Variants in HPX observed in about 807,000 individuals in gnomAD.
HPX encodes the protein hemopexin.
HPX carries 42 observed loss-of-function variants against 53.8 expected under a neutral mutation model. The observed-to-expected ratio is 0.78, with a 90% confidence interval of 0.61 to 1.01. The LOEUF is 1.01. Among genes scored for constraint, HPX ranks in the 50% least tolerant of loss-of-function variants. HPX has a pLI of 0.00. For synonymous variants in HPX, 229 were observed against 221.1 expected (o/e 1.04, Z -0.32); for missense variants, 547 against 594.3 (o/e 0.92, Z 0.83).
At chr11:6,439,820 G>GA in intron 4 of HPX, 1 of 355,642 alleles carries the variant, frequency 2.8e-6, no homozygotes, top group Non-Finnish European at 5.5e-6. Flanking sequence ...AGGTGCCATT[G>GA]TGTTGGGAAC....
rs1324614538 is a variant in HPX, at chr11:6,440,597, A to C, written c.143-59T>G. The C allele has an allele frequency of 1.1e-4, 137 of 1,275,538 alleles. 3 individuals carry two copies. The highest frequency in any genetic ancestry group is 2.3e-4 in the African/African-American group (14 of 61,888). 79.0% of individuals were successfully genotyped at this position (1,275,538 alleles called of 1,614,324 possible). On this transcript the variant is annotated intron_variant, in intron 2 of 9. Coordinates refer to ENST00000265983, the MANE Select transcript of HPX (RefSeq NM_000613.3). ...AAAAAAAAAAAAAAAAAAAAAAAAA[A>C]AAAAAACCAGAAGGTGATAAAATGC...
intron 7 of HPX, among the ~76,000 whole-genome samples, chr11:6,434,837 G>A (rs1849394753): frequency 1.3e-5 from 2 of 152,190 alleles, no homozygotes; most frequent in Admixed American, 1.3e-4. Context: ...GTATCAGTTG[G>A]AACTGAGACT....
intron 5 of HPX, 111 bp from the exon 6 acceptor site, chr11:6,437,763 C>A (rs564030157): frequency 3.9e-6 from 3 of 774,892 alleles, no homozygotes; most frequent in South Asian, 3.1e-5. Flanking sequence ...ATGGAGCTCA[C>A]AGCCATCAGA....
chr11:6,431,108 G>A lies in HPX; in HGVS notation c.*103C>T. ...AAACTGGGGAGGTGGGGCCAGGCCA[G>A]ACTCATGTCAGAAGGCCCCTCAGTG... On this transcript the variant is annotated 3_prime_UTR_variant, in exon 10 of 10. Coordinates refer to ENST00000265983, the MANE Select transcript of HPX (RefSeq NM_000613.3). 6.7e-7 allele frequency: 1 copy of A among 1,497,072 alleles called. No individual in the cohort carries two copies. Among genetic ancestry groups the A allele is most frequent in the South Asian group, 1.3e-5 (1 of 79,222 alleles). The allele number at this position is 1,497,072 out of a possible 1,614,324, so 92.7% of individuals were successfully genotyped here.
intron 2 of HPX, 45 bp from the exon 3 acceptor site, chr11:6,440,583 A>T (rs753680725): frequency 7.5e-7 from 1 of 1,330,566 alleles, no homozygotes; most frequent in Admixed American, 2.5e-5. Flanking sequence ...AAAAAAAAAA[A>T]AAAAAAAAAA....
rs772952792 is a variant in HPX at position 6,431,720 on chromosome 11, C to A, written c.1050G>T (p.Gly350=). The A allele has an allele frequency of 6.2e-7, 1 of 1,614,200 alleles. No individual in the cohort carries two copies. The highest frequency in any genetic ancestry group is 8.5e-7 in the Non-Finnish European group (1 of 1,180,040). ...AGTCCAGGATAATCCCATGAGGGGT[C>A]CCGACTTCCTTCTCCAGCCGCTTCG... ...GYPKRLEKEV[G]TPHGIILDSV... The change falls in exon 9 of 10, where the codon GGG becomes GGT. Residue 350 remains glycine, a synonymous_variant. Coordinates refer to ENST00000265983, the MANE Select transcript of HPX (RefSeq NM_000613.3).
At position 6,436,978 on chromosome 11, in the gene HPX, G is replaced by A. The variant is rs892520180; in HGVS notation, c.835+68C>T. 7 of 1,546,514 alleles carry A rather than the reference G, an allele frequency of 4.5e-6. No individual in the cohort carries two copies. In the South Asian group the frequency reaches 7.0e-5, roughly 15 times the overall value. On this transcript the variant is annotated intron_variant, in intron 7 of 9. Transcript: ENST00000265983. ...CACAGTGATGACAATGGAGAAATGT[G>A]TCAAGGATGGGAGATACAAGTAAAA...
intron 7 of HPX, among the ~76,000 whole-genome samples, chr11:6,436,656 A>G (rs1311392935): frequency 6.6e-6 from 1 of 152,226 alleles, no homozygotes; most frequent in Non-Finnish European, 1.5e-5. Context: ...AGGGGGAGCC[A>G]GAGGACTCAG....
intron 4 of HPX, 111 bp downstream of exon 4, chr11:6,440,052 AAG>A: frequency 7.1e-7 from 1 of 1,398,670 alleles, no homozygotes; most frequent in East Asian, 2.3e-5. Flanking sequence ...GCACATGGGA[AAG>A]AAATCTGCTA....
At chr11:6,434,473 G>T (rs753147784) in intron 7 of HPX, among the ~76,000 whole-genome samples, 2 of 152,108 alleles carry the variant, frequency 1.3e-5, no homozygotes, top group African/African-American at 4.8e-5. Context: ...GGGACTACTG[G>T]TGCATGCCAC....
Position 6,431,978 on chromosome 11 carries a change from C to T in HPX, c.875G>A (p.Trp292Ter), listed in dbSNP as rs1335171240. The T allele has an allele frequency of 1.2e-6, 2 of 1,614,212 alleles. No homozygotes were observed. The highest frequency in any genetic ancestry group is 3.3e-5 in the Admixed American group (2 of 60,032). Residue 292 changes from tryptophan to a stop codon, truncating the protein, a stop_gained, in exon 8 of 10, where the codon TGG becomes TAG. Coordinates refer to ENST00000265983, the MANE Select transcript of HPX (RefSeq NM_000613.3). LOFTEE classifies it high-confidence loss of function. ...CTGATGAGCAATGGGCCAGCTATGC[C>T]AGCCATCCCGGCTGGTGTCCAGACG... ...YWRLDTSRDG[W>*]HSWPIAHQWP...
chr11:6,436,966 A>G (rs1295825947), intron 7 of HPX, 80 bp downstream of exon 7: 2 of 1,476,300 alleles, frequency 1.4e-6, no homozygotes, highest in Non-Finnish European at 1.9e-6. Context: ...AGTGATGACA[A>G]TGGAGAAATG....
In HPX at chr11:6,437,977, G is replaced by A. The variant is rs57336013; in HGVS notation, c.491-325C>T. On this transcript the variant is annotated intron_variant, in intron 5 of 9. Transcript: ENST00000265983. The stretch of plus-strand genomic sequence containing the variant: ...AAGATTCCAAAGCATGGAGCAAACT[G>A]AGTGTACAGAGAATAGCATAGGGTT... 5.9e-3 allele frequency: 3,085 copies of A among 522,718 alleles called. 63 individuals are homozygous for A. Among genetic ancestry groups the A allele is most frequent in the African/African-American group, 0.049 (2,570 of 52,640 alleles). 32.4% of individuals were successfully genotyped at this position (522,718 alleles called of 1,614,324 possible).
Position 6,431,238 on chromosome 11 carries a change from C to A in HPX, c.1362G>T (p.Val454=), listed in dbSNP as rs747030520. 3 of 1,614,236 alleles carry A rather than the reference C, an allele frequency of 1.9e-6. No homozygotes were observed. The highest frequency in any genetic ancestry group is 2.5e-6 in the Non-Finnish European group (3 of 1,180,048). Residue 454 remains valine, a synonymous_variant, in exon 10 of 10, where the codon GTG becomes GTT. Coordinates refer to ENST00000265983, the MANE Select transcript of HPX (RefSeq NM_000613.3). ...AAKALPQPQN[V]TSLLGCTH ...AGTGAGTGCAGCCCAGGAGACTGGT[C>A]ACATTCTGGGGTTGCGGAAGGGCCT...
chr11:6,438,390 T>A lies in HPX; in HGVS notation c.456A>T (p.Gly152=). ...PLDAAVECHR[G]ECQAEGVLFF... ...AGAGGACGCCTTCAGCTTGACATTCTCCACGGTGACATTCCACAGCTGCAT... is the reference window on the plus strand; with the variant it reads ...AGAGGACGCCTTCAGCTTGACATTCACCACGGTGACATTCCACAGCTGCAT... Residue 152 remains glycine, a synonymous_variant, in exon 5 of 10, where the codon GGA becomes GGT. Transcript: ENST00000265983. 6.2e-7 allele frequency: 1 copy of A among 1,614,198 alleles called. No homozygotes were observed. The highest frequency in any genetic ancestry group is 8.5e-7 in the Non-Finnish European group (1 of 1,180,040).
chr11:6,440,921 T>C lies in HPX; in HGVS notation c.43A>G (p.Ser15Gly). The change falls in exon 1 of 10, where the codon AGC becomes GGC. Residue 15 changes from serine (S) to glycine (G), a missense_variant. Transcript: ENST00000265983. ...LGAPVALGLW[S>G]LCWSLAIATP... ...GCAATGGCCAGAGACCAGCATAGGC[T>C]CCACAACCCCAGTGCAACGGGTGCT... 1.9e-6 allele frequency: 3 copies of C among 1,612,338 alleles called. No homozygotes were observed. The highest frequency in any genetic ancestry group is 1.7e-6 in the Non-Finnish European group (2 of 1,179,270).
In HPX at chr11:6,440,584, A is replaced by G. The variant is rs757383009; in HGVS notation, c.143-46T>C. On this transcript the variant is annotated intron_variant, in intron 2 of 9. Transcript: ENST00000265983. ...TGGCAAAGTAAAAAAAAAAAAAAAA[A>G]AAAAAAAAAAAAAAAAAAACCAGAA... 3,414 of 1,432,244 alleles carry G rather than the reference A, an allele frequency of 2.4e-3. 169 individuals carry two copies. In the African/African-American group the frequency reaches 0.045, roughly 19 times the overall value. 88.7% of individuals were successfully genotyped at this position (1,432,244 alleles called of 1,614,324 possible).
At chr11:6,438,047 T>A (rs1195632733) in intron 5 of HPX, 1 of 494,800 alleles carries the variant, frequency 2.0e-6, no homozygotes, top group Admixed American at 3.6e-5. Flanking sequence ...AAGTCAAAGC[T>A]GAAGGGCCAA....
At chr11:6,431,530 C>G (rs903592718) in intron 9 of HPX, 60 bp from the exon 10 acceptor site, 7 of 1,609,026 alleles carry the variant, frequency 4.4e-6, no homozygotes, top group Non-Finnish European at 5.9e-6. Flanking sequence ...TGACCTAGGC[C>G]TTCTCATGCC....
Sources: gnomAD v4.1 joint callset for allele counts (sites outside exome capture counted in the v4.1 genomes callset) on GRCh38, gnomAD v4.1.1 for gene constraint, MANE v1.5 for transcripts, NCBI Gene and HGNC (gene_info 2026-07-23, HGNC 2026-07-21) for gene names.